The following DKKL1 variants were observed in gnomAD, a reference collection of about 807,000 sequenced individuals.
The protein encoded by DKKL1 is dickkopf-like protein 1.
Under a neutral mutation model 16.5 loss-of-function variants are expected in DKKL1, and 11 were observed. That is an observed-to-expected ratio of 0.67 (90% CI 0.42 to 1.10). The LOEUF (loss-of-function observed/expected upper bound fraction) is 1.10. Ranked by LOEUF, DKKL1 falls within the 50% of genes least tolerant of loss-of-function variation. DKKL1 has a pLI of 0.00. For missense variants in DKKL1, 320 were observed against 308.1 expected (o/e 1.04, Z -0.29); for synonymous variants, 119 against 133.2 (o/e 0.89, Z 0.73).
At chr19:49,369,473 A>C (rs2146784675) in intron 4 of DKKL1, 1 of 152,188 alleles carries the variant, frequency 6.6e-6, no homozygotes, top group South Asian at 2.1e-4. Context: ...TTTTTCTTAA[A>C]ATAGTACAAC....
intron 4 of DKKL1, chr19:49,369,339 T>G (rs1260106772): frequency 6.6e-6 from 1 of 152,148 alleles, no homozygotes; most frequent in Non-Finnish European, 1.5e-5. Context: ...GTTTGTTTTT[T>G]GTTTTTTGTA....
rs529790251 is a variant in DKKL1 at position 49,365,366 on chromosome 19, C to T, written c.184-143C>T. Reference sequence around the variant, plus strand: ...TGGGGGATGGAGGCCGGAGGTTAGGCCCTAAGTATCAGAGGGCAGAAAGTA... The same window carrying T: ...TGGGGGATGGAGGCCGGAGGTTAGGTCCTAAGTATCAGAGGGCAGAAAGTA... On this transcript the variant is annotated intron_variant, in intron 2 of 4. Transcript: ENST00000221498. 5.3e-5 allele frequency: 51 copies of T among 954,964 alleles called. No individual in the cohort carries two copies. The South Asian group carries it at 7.9e-4, about 15-fold the overall frequency. The allele number at this position is 954,964 out of a possible 1,614,324, so 59.2% of individuals were successfully genotyped here. A position where few individuals can be genotyped will look rare whatever the true frequency, so the allele number is the denominator to read the frequency against.
At chr19:49,372,704 A>G (rs961086542) in intron 4 of DKKL1, among the ~76,000 whole-genome samples, 6 of 151,222 alleles carry the variant, frequency 4.0e-5, no homozygotes, top group Non-Finnish European at 8.9e-5. Context: ...AAAAAAAAAA[A>G]AAAAATACAA....
At chr19:49,362,417 G>C (rs1180411562), upstream of DKKL1, 1 of 152,176 alleles carries the variant, frequency 6.6e-6, no homozygotes, top group South Asian at 2.1e-4. Flanking sequence ...GGGGCGCTGC[G>C]AGGGAGAAAG....
At chr19:49,363,230 G>T (rs7250685), upstream of DKKL1, 88,262 of 152,384 alleles carry the variant, frequency 0.58, 26,677 homozygotes, top group African/African-American at 0.76. Context: ...TAGAGGGGGC[G>T]GGAGTCCGGA....
At chr19:49,365,726 G>A (rs1229820859) in intron 3 of DKKL1, 67 bp from the exon 4 acceptor site, 3 of 1,602,298 alleles carry the variant, frequency 1.9e-6, no homozygotes, top group African/African-American at 2.7e-5. Context: ...TGCAGTATCT[G>A]TTGGGAGGGA....
At chr19:49,369,900 A>G (rs1370568384) in intron 4 of DKKL1, 1 of 152,266 alleles carries the variant, frequency 6.6e-6, no homozygotes, top group Non-Finnish European at 1.5e-5. Flanking sequence ...AGGAGACTCC[A>G]CTGTCCATGG....
chr19:49,365,988 C>T (rs45439603), intron 4 of DKKL1, 103 bp downstream of exon 4: 406 of 1,102,968 alleles, frequency 3.7e-4, no homozygotes, highest in Non-Finnish European at 4.8e-4. Flanking sequence ...AGTGCAGTGG[C>T]ACGATCTTGG....
At chr19:49,363,535 A>C (rs1973099157), upstream of DKKL1, 1 of 320,420 alleles carries the variant, frequency 3.1e-6, no homozygotes, top group Non-Finnish European at 6.1e-6. Context: ...GGCCCAGTGC[A>C]GGGGCGTGGC....
upstream of DKKL1, among the ~76,000 whole-genome samples, chr19:49,360,757 G>A (rs1227081777): frequency 9.0e-5 from 10 of 110,936 alleles, no homozygotes; most frequent in African/African-American, 1.7e-4. Flanking sequence ...AGAGAGGGAG[G>A]GGGACAGAGA....
chr19:49,374,286 C>A (rs895854570), intron 4 of DKKL1, among the ~76,000 whole-genome samples: 5 of 152,106 alleles, frequency 3.3e-5, no homozygotes, highest in African/African-American at 9.7e-5. Flanking sequence ...GCACCTGGCC[C>A]CTTGAAAGCT....
In DKKL1 at chr19:49,364,041, G is replaced by A. The variant is rs755545494; in HGVS notation, c.10+33G>A. 6.2e-6 allele frequency: 10 copies of A among 1,611,366 alleles called. No homozygotes were observed. The African/African-American group carries it at 1.1e-4, about 17-fold the overall frequency. On this transcript the variant is annotated intron_variant, in intron 1 of 4. Transcript: ENST00000221498. ...TTGAGATCTGGTGGTGAACGTGGGC[G>A]AAAGTGAGGAAAAGACCATTGGATG...
Position 49,364,593 on chromosome 19 carries a change from GC to G in DKKL1, c.27del (p.Ala10GlnfsTer16). 1.2e-6 allele frequency: 2 copies of G among 1,611,062 alleles called. No homozygotes were observed. The highest frequency in any genetic ancestry group is 1.7e-6 in the Non-Finnish European group (2 of 1,179,184). On this transcript the variant is annotated frameshift_variant, in exon 2 of 5. Coordinates refer to ENST00000221498, the MANE Select transcript of DKKL1 (RefSeq NM_014419.4). LOFTEE classifies it high-confidence loss of function. MGEASPP[A>X]PARRHLLVLL... ...GACCCTTGCCACAGCCTCCCCACCTGCCCCCGCAAGGCGGCATCTGCTGGTC... is the reference window on the plus strand; with the variant it reads ...GACCCTTGCCACAGCCTCCCCACCTGCCCCGCAAGGCGGCATCTGCTGGTC...
chr19:49,370,166 T>C (rs146042427), intron 4 of DKKL1: 5 of 152,302 alleles, frequency 3.3e-5, no homozygotes, highest in Non-Finnish European at 5.9e-5. Flanking sequence ...CCCCATGGCT[T>C]TGGAAGGCCA....
chr19:49,361,514 G>A (rs943813546), upstream of DKKL1: 1 of 152,214 alleles, frequency 6.6e-6, no homozygotes, highest in African/African-American at 2.4e-5. Flanking sequence ...AGAACAAAGG[G>A]CCCAGGCGTC....
intron 4 of DKKL1, among the ~76,000 whole-genome samples, chr19:49,372,442 C>T (rs1274642093): frequency 6.6e-6 from 1 of 152,084 alleles, no homozygotes; most frequent in Admixed American, 6.6e-5. Context: ...ACCTGTAATC[C>T]CAGCACTTTG....
At chr19:49,364,147 C>T (rs1973145526) in intron 1 of DKKL1, 139 bp downstream of exon 1, 3 of 1,156,786 alleles carry the variant, frequency 2.6e-6, no homozygotes, top group Non-Finnish European at 3.7e-6. Context: ...ATCAGGAGTT[C>T]GAGACCAGCC....
At chr19:49,369,626 T>C (rs1600845650) in intron 4 of DKKL1, 1 of 152,134 alleles carries the variant, frequency 6.6e-6, no homozygotes, top group Non-Finnish European at 1.5e-5. Context: ...CAGTTGGTGG[T>C]GGCAACAGAG....
At position 49,374,859 on chromosome 19, in the gene DKKL1, G is replaced by T; in HGVS notation, c.560G>T (p.Gly187Val). The T allele has an allele frequency of 3.7e-6, 6 of 1,613,982 alleles. No homozygotes were observed. The highest frequency in any genetic ancestry group is 5.1e-6 in the Non-Finnish European group (6 of 1,179,946). ...TCCCACCAGGATGCCCTGGAGGGCG[G>T]CCACTGGCTCAGCGAGAAGCGACAC... ...RRSHQDALEG[G>V]HWLSEKRHRL... The change falls in exon 5 of 5, where the codon GGC becomes GTC. Residue 187 changes from glycine to valine, a missense_variant. Gly to Val is a moderately radical substitution (Grantham distance 109). Transcript: ENST00000221498.
Sources: allele counts gnomAD v4.1 joint callset (sites outside exome capture counted in the v4.1 genomes callset), GRCh38; gene constraint gnomAD v4.1.1; transcripts MANE v1.5; gene names NCBI Gene and HGNC (gene_info 2026-07-23, HGNC 2026-07-21).